The following CRYBG3 variants were observed in gnomAD, a reference collection of about 807,000 sequenced individuals.
CRYBG3 encodes very large A-kinase anchor protein.
CRYBG3 carries 127 observed loss-of-function variants against 244.2 expected under a neutral mutation model. The observed-to-expected ratio is 0.52, with a 90% CI of 0.45 to 0.60. CRYBG3 has a LOEUF of 0.60. CRYBG3 is among the 20% of genes least tolerant of loss of function. CRYBG3 has a pLI of 0.00. For synonymous variants in CRYBG3, 1,132 were observed against 1,195.8 expected (o/e 0.95, Z 1.10); for missense variants, 3,325 against 3,442.5 (o/e 0.97, Z 0.85).
chr3:97,933,108 A>G (rs1452115682), intron 17 of CRYBG3: 2 of 455,272 alleles, frequency 4.4e-6, no homozygotes, highest in Non-Finnish European at 4.4e-6. Context: ...TCTTGCATAC[A>G]TTAATGAATG....
intron 15 of CRYBG3, among the ~76,000 whole-genome samples, chr3:97,907,831 G>C (rs545828031): frequency 6.6e-6 from 1 of 150,676 alleles, no homozygotes; most frequent in Non-Finnish European, 1.5e-5. Context: ...TCTTTTAATT[G>C]TGATGTTAGG....
chr3:97,869,374 G>A (rs2039274161), intron 3 of CRYBG3, among the ~76,000 whole-genome samples: 1 of 151,882 alleles, frequency 6.6e-6, no homozygotes, highest in Admixed American at 6.6e-5. Context: ...GAAAATGTTT[G>A]GTACAAAACA....
Position 97,886,137 on chromosome 3 carries a change from C to T in CRYBG3, c.7153-494C>T, listed in dbSNP as rs2039504614. On this transcript the variant is annotated intron_variant, in intron 7 of 21. Coordinates refer to ENST00000389622, the MANE Select transcript of CRYBG3 (RefSeq NM_153605.4). ...GGAAAACAGATTTCCTTTACCCTCACCTCTAATGACTATTTCTTTTGTCAA... is the reference window on the plus strand; with the variant it reads ...GGAAAACAGATTTCCTTTACCCTCATCTCTAATGACTATTTCTTTTGTCAA... Among the ~76,000 whole-genome samples the T allele has an allele frequency of 2.0e-5, 3 of 152,174 alleles. No individual in the cohort carries two copies. The South Asian group carries it at 6.2e-4, about 31-fold the overall frequency.
At chr3:97,848,804 C>T (rs1012528587) in intron 2 of CRYBG3, among the ~76,000 whole-genome samples, 2 of 152,114 alleles carry the variant, frequency 1.3e-5, no homozygotes, top group Admixed American at 6.5e-5. Context: ...GATTTTTATA[C>T]GTCTCTTTTT....
intron 19 of CRYBG3, among the ~76,000 whole-genome samples, chr3:97,938,681 G>A (rs1286950187): frequency 6.6e-6 from 1 of 151,982 alleles, no homozygotes; most frequent in Non-Finnish European, 1.5e-5. Context: ...TGGTGAAGCA[G>A]TGATCACATT....
intron 15 of CRYBG3, among the ~76,000 whole-genome samples, chr3:97,909,724 G>A (rs1224419705): frequency 6.0e-5 from 9 of 150,702 alleles, no homozygotes; most frequent in East Asian, 1.9e-4. Context: ...TAATTTGATC[G>A]TCTGAAGCCT....
chr3:97,834,276 C>T (rs761970871), intron 1 of CRYBG3, among the ~76,000 whole-genome samples: 29 of 152,030 alleles, frequency 1.9e-4, no homozygotes, highest in Non-Finnish European at 4.3e-4. Context: ...GACCCTAGTA[C>T]AGTTATAGAA....
chr3:97,873,434 G>T lies in CRYBG3; in HGVS notation c.2240G>T (p.Gly747Val). ...SNSEKCQVLP[G>V]SEASGPHLTG... ...AGTGAAAAATGCCAGGTTCTTCCAG[G>T]TTCTGAAGCCAGTGGCCCTCACTTA... Residue 747 changes from glycine to valine, a missense_variant, in exon 4 of 22, where the codon GGT becomes GTT. Around this residue, in one of 4 missense-constraint regions of CRYBG3, gnomAD observed 1,526 missense variants for 1,443.2 expected, o/e 1.06. Coordinates refer to ENST00000389622, the MANE Select transcript of CRYBG3 (RefSeq NM_153605.4). 1 of 1,535,242 alleles carries T rather than the reference G, an allele frequency of 6.5e-7. No individual in the cohort carries two copies. The highest frequency in any genetic ancestry group is 8.7e-7 in the Non-Finnish European group (1 of 1,146,644).
chr3:97,878,032 A>T lies in CRYBG3; in HGVS notation c.6838A>T (p.Ile2280Leu). Residue 2280 changes from isoleucine to leucine, a missense_variant, in exon 4 of 22, where the codon ATA becomes TTA. By Grantham distance (5) the Ile-to-Leu change is conservative. This residue lies in a region of CRYBG3 where 450 missense variants were observed against 424.1 expected (regional missense o/e 1.06). Coordinates refer to ENST00000389622, the MANE Select transcript of CRYBG3 (RefSeq NM_153605.4). Reference sequence around the variant, plus strand: ...CAGCCCAGGCAGATTGAGCCCATTTATAGAGGTAAGTTATTTTGTTTATTG... The same window carrying T: ...CAGCCCAGGCAGATTGAGCCCATTTTTAGAGGTAAGTTATTTTGTTTATTG... ...QDSPGRLSPF[I>L]ENVDKQTLRC... 1.9e-6 allele frequency: 3 copies of T among 1,602,290 alleles called. No individual in the cohort carries two copies. The highest frequency in any genetic ancestry group is 1.7e-6 in the Non-Finnish European group (2 of 1,176,352).
At chr3:97,942,636 G>A (rs375216920) in intron 21 of CRYBG3, 193 bp downstream of exon 21, 3 of 522,230 alleles carry the variant, frequency 5.7e-6, no homozygotes, top group Admixed American at 7.1e-5. Flanking sequence ...ACAAAGCTTA[G>A]GGTTTTTGTT....
Position 97,899,037 on chromosome 3 carries a change from C to T in CRYBG3, c.7844+12C>T. On this transcript the variant is annotated intron_variant, in intron 13 of 21. Coordinates refer to ENST00000389622, the MANE Select transcript of CRYBG3 (RefSeq NM_153605.4). ...GTTAAAAGTGGAGTGTAAGTTGCCT[C>T]CTCTAAGAACCTTGAGAGTCTTTGG... 1 of 1,606,570 alleles carries T rather than the reference C, an allele frequency of 6.2e-7. No individual in the cohort carries two copies. Among genetic ancestry groups the T allele is most frequent in the Non-Finnish European group, 8.5e-7 (1 of 1,177,082 alleles).
intron 2 of CRYBG3, among the ~76,000 whole-genome samples, chr3:97,858,532 T>A (rs1248930478): frequency 6.6e-6 from 1 of 152,102 alleles, no homozygotes; most frequent in South Asian, 2.1e-4. Flanking sequence ...CTTTTTATTT[T>A]CTGATTGGAT....
In CRYBG3 at chr3:97,886,294, A is replaced by C. The variant is rs1219931643; in HGVS notation, c.7153-337A>C. Among the ~76,000 whole-genome samples the C allele has an allele frequency of 2.0e-5, 3 of 152,230 alleles. No homozygotes were observed. The East Asian group carries it at 5.8e-4, about 29-fold the overall frequency. ...TATACTGCTAAGAAGGAAGGCTTAC[A>C]GACATTTGGCACTCAAATAGTTTGG... On this transcript the variant is annotated intron_variant, in intron 7 of 21. Coordinates refer to ENST00000389622, the MANE Select transcript of CRYBG3 (RefSeq NM_153605.4).
rs2040310801 is a variant in CRYBG3, at chr3:97,944,651, C to T, written c.*1337C>T. 6.6e-6 allele frequency: 1 copy of T among 152,160 alleles called. No homozygotes were observed. Among genetic ancestry groups the T allele is most frequent in the African/African-American group, 2.4e-5 (1 of 41,330 alleles). The allele number at this position is 152,160 out of a possible 1,614,324, so 9.4% of individuals were successfully genotyped here. ...TCTTTTAAGCAGCCTCTGTAACTCC[C>T]TTTTGTCCATAGGTGTTGCGTGCCT... On this transcript the variant is annotated 3_prime_UTR_variant, in exon 22 of 22. Coordinates refer to ENST00000389622, the MANE Select transcript of CRYBG3 (RefSeq NM_153605.4).
intron 15 of CRYBG3, among the ~76,000 whole-genome samples, chr3:97,910,619 C>A (rs892068815): frequency 9.9e-5 from 15 of 152,208 alleles, no homozygotes; most frequent in Non-Finnish European, 2.1e-4. Flanking sequence ...GCGCACGGTG[C>A]ACGCACCCAT....
At chr3:97,843,837 C>T (rs917439967) in intron 2 of CRYBG3, among the ~76,000 whole-genome samples, 1 of 152,168 alleles carries the variant, frequency 6.6e-6, no homozygotes, top group Admixed American at 6.5e-5. Flanking sequence ...CTTTTGATCT[C>T]TCTTTTTATT....
intron 2 of CRYBG3, among the ~76,000 whole-genome samples, chr3:97,854,091 C>A (rs555308620): frequency 1.3e-5 from 2 of 152,094 alleles, no homozygotes; most frequent in Admixed American, 6.6e-5. Context: ...TGTCCTTTCC[C>A]CCACTTTATT....
At position 97,875,774 on chromosome 3, in the gene CRYBG3, A is replaced by G. The variant is rs1281552899; in HGVS notation, c.4580A>G (p.Lys1527Arg). The G allele has an allele frequency of 1.6e-6, 2 of 1,231,876 alleles. No individual in the cohort carries two copies. Among genetic ancestry groups the G allele is most frequent in the African/African-American group, 3.1e-5 (2 of 64,412 alleles). The allele number at this position is 1,231,876 out of a possible 1,614,324, so 76.3% of individuals were successfully genotyped here. A position where few individuals can be genotyped will look rare whatever the true frequency, so the allele number is the denominator to read the frequency against. The change falls in exon 4 of 22, where the codon AAG (lysine) becomes AGG (arginine). Residue 1527 changes from lysine to arginine, a missense_variant. Lys to Arg is a conservative substitution (Grantham distance 26). Transcript: ENST00000389622. ...ATGTCAGATGTAGGGAAAGTACACA[A>G]GAAGGATAATGAAATAAATATAGGG... is the stretch of plus-strand genomic sequence containing the variant. The part of the protein sequence containing the change: ...LAMSDVGKVH[K>R]KDNEINIGKI...
intron 15 of CRYBG3, among the ~76,000 whole-genome samples, chr3:97,911,347 C>T (rs2039870191): frequency 6.6e-6 from 1 of 152,012 alleles, no homozygotes; most frequent in Admixed American, 6.6e-5. Context: ...TTTTTACGGG[C>T]TCTTTAATTT....
Sources: allele counts gnomAD v4.1 joint callset (sites outside exome capture counted in the v4.1 genomes callset), GRCh38; gene constraint gnomAD v4.1.1; regional missense constraint gnomAD v4.1.1; transcripts MANE v1.5; gene names NCBI Gene and HGNC (gene_info 2026-07-23, HGNC 2026-07-21).